MYO16: variants seen among roughly 807,000 people sequenced by gnomAD.
The protein encoded by MYO16 is unconventional myosin-XVI.
A neutral mutation model predicts 205.3 loss-of-function variants in MYO16; 94 were observed. The observed-to-expected ratio is 0.46, with a 90% CI of 0.39 to 0.54. The LOEUF is 0.54. Ranked by LOEUF, MYO16 falls within the 20% of genes least tolerant of loss-of-function variation. The pLI is 0.00. For missense variants in MYO16, 2,315 were observed against 2,387.5 expected, an observed-to-expected ratio of 0.97 and a Z score of 0.63; for synonymous variants, 988 against 954.0, an observed-to-expected ratio of 1.04 and a Z score of -0.66.
intron 33 of MYO16, among the ~76,000 whole-genome samples, chr13:109,169,232 T>A (rs1303835533): frequency 6.6e-6 from 1 of 152,130 alleles, no homozygotes; most frequent in Non-Finnish European, 1.5e-5. Flanking sequence ...TTCAAACCTT[T>A]GCATCACAAG....
intron 2 of MYO16, among the ~76,000 whole-genome samples, chr13:108,675,299 A>G (rs74119004): frequency 8.4e-4 from 128 of 152,312 alleles, no homozygotes; most frequent in African/African-American, 3.1e-3. Flanking sequence ...GCAGGTTAGA[A>G]TTTCACATAG....
In MYO16 at chr13:109,192,438, ATT is replaced by A. The variant is rs1879962290; in HGVS notation, c.5415+12807_5415+12808del. On this transcript the variant is annotated intron_variant, in intron 34 of 34. Coordinates refer to ENST00000457511, the MANE Select transcript of MYO16 (RefSeq NM_001198950.3). ...TTTCTCTAGCATTTGTACCCACATT[ATT>A]TGTTCTGACATTATCTTAAGGGCAC... Among the ~76,000 whole-genome samples, 3 of 152,028 alleles carry A rather than the reference ATT, an allele frequency of 2.0e-5. No homozygotes were observed. The South Asian group carries it at 6.2e-4, about 32-fold the overall frequency.
intron 4 of MYO16, among the ~76,000 whole-genome samples, chr13:108,766,428 A>G (rs1244560686): frequency 2.0e-5 from 3 of 152,190 alleles, no homozygotes; most frequent in Non-Finnish European, 4.4e-5. Context: ...CAACTGTGAC[A>G]TGTGTCATCT....
chr13:108,989,987 T>C (rs181240893), intron 20 of MYO16, among the ~76,000 whole-genome samples: 140 of 152,250 alleles, frequency 9.2e-4, no homozygotes, highest in Middle Eastern at 6.8e-3. Context: ...CCTATTTGTA[T>C]ACATGATGAA....
At chr13:108,727,327 C>T in intron 3 of MYO16, 113 bp from the exon 4 acceptor site, 1 of 1,093,908 alleles carries the variant, frequency 9.1e-7, no homozygotes, top group Non-Finnish European at 1.3e-6. Context: ...GTTAGCTTCA[C>T]CTCTCAACTC....
intron 6 of MYO16, among the ~76,000 whole-genome samples, chr13:108,794,960 G>A (rs546250442): frequency 6.6e-6 from 1 of 152,192 alleles, no homozygotes; most frequent in East Asian, 1.9e-4. Context: ...GTTTCCTTGA[G>A]TAATAAATGT....
At position 109,008,618 on chromosome 13, in the gene MYO16, ACTAT is replaced by A. The variant is rs747049699; in HGVS notation, c.2443-272_2443-269del. On this transcript the variant is annotated intron_variant, in intron 21 of 34. Transcript: ENST00000457511. ...TACTATCTTGTGTATGCACTACTGT[ACTAT>A]CTATCTTGTGTATGCACTACTGTAC... Among the ~76,000 whole-genome samples the A allele has an allele frequency of 4.1e-4, 34 of 83,940 alleles. 2 individuals are homozygous for A. The highest frequency in any genetic ancestry group is 9.3e-4 in the South Asian group (3 of 3,214). The allele number at this position is 83,940 out of a possible 152,430, so 55.1% of individuals were successfully genotyped here.
intron 3 of MYO16, among the ~76,000 whole-genome samples, chr13:108,716,560 A>G (rs1280882854): frequency 6.6e-6 from 1 of 152,196 alleles, no homozygotes; most frequent in African/African-American, 2.4e-5. Context: ...TGCTGGAGAG[A>G]TGAAATTACA....
chr13:108,881,890 G>T (rs1273065739), intron 12 of MYO16, among the ~76,000 whole-genome samples: 1 of 152,168 alleles, frequency 6.6e-6, no homozygotes, highest in Non-Finnish European at 1.5e-5. Flanking sequence ...TTATCCAGGA[G>T]AACTTCCCCA....
At chr13:108,850,280 A>T (rs1877786259) in intron 10 of MYO16, among the ~76,000 whole-genome samples, 1 of 152,220 alleles carries the variant, frequency 6.6e-6, no homozygotes, top group South Asian at 2.1e-4. Flanking sequence ...GAAATCACAA[A>T]CAAGCAAACG....
At chr13:108,525,897 T>C in the MYO16 span, among the ~76,000 whole-genome samples, 1 of 152,212 alleles carries the variant, frequency 6.6e-6, no homozygotes, top group Non-Finnish European at 1.5e-5. Context: ...TTTTTCTTGT[T>C]TTAAGTGTGG....
rs74883363 is a variant in MYO16 at position 108,759,964 on chromosome 13, T to G, written c.508-25671T>G. ...CATATAGTAGTTCTTATTCTGGGGA[T>G]GCATGTGATATTTTGATTCATGTAT... On this transcript the variant is annotated intron_variant, in intron 4 of 34. Coordinates refer to ENST00000457511, the MANE Select transcript of MYO16 (RefSeq NM_001198950.3). Among the ~76,000 whole-genome samples the G allele has an allele frequency of 8.5e-3, 1,297 of 152,328 alleles. 15 individuals are homozygous for G. The highest frequency in any genetic ancestry group is 0.03 in the African/African-American group (1,234 of 41,572).
chr13:108,679,373 A>G lies in MYO16; in HGVS notation c.292+13224A>G, dbSNP rs138631867. Among the ~76,000 whole-genome samples the G allele has an allele frequency of 1.7e-3, 253 of 152,230 alleles. 4 individuals are homozygous for G. In the South Asian group the frequency reaches 0.028, roughly 17 times the overall value. On this transcript the variant is annotated intron_variant, in intron 2 of 34. Coordinates refer to ENST00000457511, the MANE Select transcript of MYO16 (RefSeq NM_001198950.3). The stretch of plus-strand genomic sequence containing the variant: ...TTATTTCCTTGATTTTTTATTGTCT[A>G]TCCTCTCCCAGGAGACTGTAGGTTT...
intron 2 of MYO16, among the ~76,000 whole-genome samples, chr13:108,707,215 C>A (rs892692463): frequency 1.3e-5 from 2 of 152,112 alleles, no homozygotes; most frequent in Non-Finnish European, 2.9e-5. Context: ...CGGAAACAAG[C>A]TAAACAGTCC....
At chr13:108,803,447 C>T (rs191377318) in intron 6 of MYO16, among the ~76,000 whole-genome samples, 136 of 152,216 alleles carry the variant, frequency 8.9e-4, no homozygotes, top group African/African-American at 3.1e-3. Context: ...GTAAATGAAA[C>T]GAACAGGCTG....
At chr13:108,570,006 T>C in the MYO16 span, among the ~76,000 whole-genome samples, 1 of 152,198 alleles carries the variant, frequency 6.6e-6, no homozygotes, top group African/African-American at 2.4e-5. Context: ...GTATAATACT[T>C]CTCAAATGTT....
intron 4 of MYO16, among the ~76,000 whole-genome samples, chr13:108,743,838 A>G (rs1884981341): frequency 6.6e-6 from 1 of 152,244 alleles, no homozygotes. Context: ...TTGATAGATC[A>G]AAATCCAATC....
chr13:108,926,434 A>C (rs1341512489), intron 16 of MYO16, among the ~76,000 whole-genome samples: 1 of 152,240 alleles, frequency 6.6e-6, no homozygotes, highest in Non-Finnish European at 1.5e-5. Flanking sequence ...TATAGGCATC[A>C]AATTGCAATG....
intron 1 of MYO16, among the ~76,000 whole-genome samples, chr13:108,648,511 C>T (rs1880855980): frequency 6.6e-6 from 1 of 152,072 alleles, no homozygotes; most frequent in Admixed American, 6.5e-5. Flanking sequence ...AAGCACAGCA[C>T]ATACTGAACA....
Sources: allele counts gnomAD v4.1 joint callset (sites outside exome capture counted in the v4.1 genomes callset), GRCh38; gene constraint gnomAD v4.1.1; transcripts MANE v1.5; gene names NCBI Gene and HGNC (gene_info 2026-07-23, HGNC 2026-07-21).